Variants in SLC24A2 observed in about 807,000 individuals in gnomAD.
SLC24A2 encodes the protein solute carrier family 24 member 2.
Under a neutral mutation model 62.0 loss-of-function variants are expected in SLC24A2, and 36 were observed. The observed-to-expected ratio is 0.58, with a 90% CI of 0.44 to 0.77. SLC24A2 has a LOEUF of 0.77. Ranked by LOEUF, SLC24A2 falls within the 30% of genes least tolerant of loss-of-function variation. SLC24A2 has a pLI of 0.00. For synonymous variants in SLC24A2, 358 were observed against 294.0 expected (o/e 1.22, Z -2.23); for missense variants, 846 against 817.9 (o/e 1.03, Z -0.42).
At chr9:19,978,396 C>T in the SLC24A2 span, among the ~76,000 whole-genome samples, 85 of 152,040 alleles carry the variant, frequency 5.6e-4, no homozygotes, top group African/African-American at 2.0e-3. Flanking sequence ...GCTCCAAATG[C>T]CCTTCCCTCG....
chr9:19,550,360 A>C, intron 7 of SLC24A2, 92 bp from the exon 8 acceptor site: 1 of 1,334,836 alleles, frequency 7.5e-7, no homozygotes, highest in Non-Finnish European at 1.1e-6. Context: ...GGGAAGCTCC[A>C]TGTCTTATCA....
At chr9:20,205,649 T>TAAAAAAAAAAAAAAAA in the SLC24A2 span, among the ~76,000 whole-genome samples, 1 of 65,304 alleles carries the variant, frequency 1.5e-5, no homozygotes, top group African/African-American at 6.6e-5. Context: ...AGACTCCATC[T>TAAAAAAAAAAAAAAAA]AAAAAAAAAA....
chr9:19,633,074 C>T (rs1818218754), intron 2 of SLC24A2, among the ~76,000 whole-genome samples: 2 of 152,142 alleles, frequency 1.3e-5, no homozygotes, highest in African/African-American at 2.4e-5. Flanking sequence ...GTATACTTTT[C>T]AGGTTTGCTT....
At chr9:19,881,266 C>A in the SLC24A2 span, among the ~76,000 whole-genome samples, 1 of 151,932 alleles carries the variant, frequency 6.6e-6, no homozygotes, top group Admixed American at 6.6e-5. Context: ...AGAGACTAGA[C>A]GAGACTTAAG....
chr9:19,563,117 A>G (rs1226784201), intron 7 of SLC24A2, among the ~76,000 whole-genome samples: 1 of 152,064 alleles, frequency 6.6e-6, no homozygotes. Flanking sequence ...AAAAAAATAA[A>G]AATAAACAGT....
At chr9:20,131,007 A>G in the SLC24A2 span, among the ~76,000 whole-genome samples, 3 of 152,028 alleles carry the variant, frequency 2.0e-5, no homozygotes, top group Non-Finnish European at 2.9e-5. Flanking sequence ...ACAAACCACA[A>G]TGACGAAAAT....
At chr9:19,883,667 G>T in the SLC24A2 span, among the ~76,000 whole-genome samples, 1 of 151,818 alleles carries the variant, frequency 6.6e-6, no homozygotes, top group African/African-American at 2.4e-5. Context: ...CTGGGTTCAA[G>T]CCATTCTCCT....
the SLC24A2 span, among the ~76,000 whole-genome samples, chr9:19,841,701 A>G: frequency 6.6e-6 from 1 of 152,212 alleles, no homozygotes; most frequent in Non-Finnish European, 1.5e-5. Context: ...GTAACAAGGA[A>G]GTCTGGGGAA....
chr9:20,026,246 G>A, the SLC24A2 span, among the ~76,000 whole-genome samples: 2 of 152,138 alleles, frequency 1.3e-5, no homozygotes, highest in African/African-American at 2.4e-5. Context: ...TAGAAAACTG[G>A]ATAGCACAGG....
At chr9:19,694,972 C>T (rs925128966) in intron 2 of SLC24A2, among the ~76,000 whole-genome samples, 5 of 149,762 alleles carry the variant, frequency 3.3e-5, no homozygotes, top group African/African-American at 1.2e-4. Flanking sequence ...TGGGGAGAAG[C>T]AAATGACCCC....
chr9:19,713,401 G>A (rs2118607645), intron 2 of SLC24A2, among the ~76,000 whole-genome samples: 1 of 152,142 alleles, frequency 6.6e-6, no homozygotes, highest in South Asian at 2.1e-4. Context: ...TTCTAATAAT[G>A]GGCATACTTT....
chr9:19,574,858 G>T (rs1292703387), intron 6 of SLC24A2, among the ~76,000 whole-genome samples: 1 of 152,158 alleles, frequency 6.6e-6, no homozygotes, highest in Non-Finnish European at 1.5e-5. Flanking sequence ...TGGATTTTGG[G>T]ATGGAATGAG....
the SLC24A2 span, among the ~76,000 whole-genome samples, chr9:19,890,198 AAG>A: frequency 6.6e-6 from 1 of 152,178 alleles, no homozygotes; most frequent in Non-Finnish European, 1.5e-5. Context: ...ATGCTGGAGA[AAG>A]AGTCAATAAG....
At chr9:19,667,520 A>T (rs1819289763) in intron 2 of SLC24A2, among the ~76,000 whole-genome samples, 1 of 152,046 alleles carries the variant, frequency 6.6e-6, no homozygotes, top group Non-Finnish European at 1.5e-5. Flanking sequence ...CCCTGGACCA[A>T]GTGTTCTTGA....
chr9:19,666,929 T>C (rs1328856021), intron 2 of SLC24A2, among the ~76,000 whole-genome samples: 1 of 152,220 alleles, frequency 6.6e-6, no homozygotes, highest in Non-Finnish European at 1.5e-5. Context: ...TTATCAGAGC[T>C]ACACAAACAA....
chr9:20,287,529 C>A, the SLC24A2 span, among the ~76,000 whole-genome samples: 1 of 146,800 alleles, frequency 6.8e-6, no homozygotes, highest in South Asian at 2.2e-4. Flanking sequence ...GAAAAAATAC[C>A]CAAATAAGAC....
At chr9:19,856,167 T>C in the SLC24A2 span, among the ~76,000 whole-genome samples, 1 of 152,338 alleles carries the variant, frequency 6.6e-6, no homozygotes, top group East Asian at 1.9e-4. Flanking sequence ...CTGGTTATTC[T>C]GGTTGACAGC....
the SLC24A2 span, among the ~76,000 whole-genome samples, chr9:19,883,515 A>G: frequency 1.3e-5 from 2 of 151,954 alleles, no homozygotes; most frequent in East Asian, 3.9e-4. Context: ...TGCTCAAGTC[A>G]TTTACCATTT....
intron 8 of SLC24A2, among the ~76,000 whole-genome samples, chr9:19,529,998 C>G (rs1833624505): frequency 6.6e-6 from 1 of 151,816 alleles, no homozygotes; most frequent in African/African-American, 2.4e-5. Context: ...GATGATCTGC[C>G]TGCTTCAGCC....
Sources: gnomAD v4.1 joint callset for allele counts (sites outside exome capture counted in the v4.1 genomes callset) on GRCh38, gnomAD v4.1.1 for gene constraint, MANE v1.5 for transcripts, NCBI Gene and HGNC (gene_info 2026-07-23, HGNC 2026-07-21) for gene names.